The following IL1RAPL1 variants were observed in gnomAD, a reference collection of about 807,000 sequenced individuals.
The protein encoded by IL1RAPL1 is interleukin-1 receptor accessory protein-like 1.
In IL1RAPL1, 3 loss-of-function variants were observed where a neutral mutation model predicts 48.4. The observed-to-expected ratio is 0.06, with a 90% CI of 0.03 to 0.16. The LOEUF (loss-of-function observed/expected upper bound fraction) is 0.16. Among genes scored for constraint, IL1RAPL1 ranks in the 10% least tolerant of loss-of-function variants. The pLI, the probability that IL1RAPL1 is intolerant of heterozygous loss-of-function variation, is 1.00. For missense variants in IL1RAPL1, 349 were observed against 530.6 expected, an observed-to-expected ratio of 0.66 and a Z score of 3.36; for synonymous variants, 185 against 187.7, an observed-to-expected ratio of 0.99 and a Z score of 0.12.
At chrX:28,851,587 C>T (rs1463630777) in intron 2 of IL1RAPL1, among the ~76,000 whole-genome samples, 1 of 111,647 alleles carries the variant, frequency 9.0e-6, no homozygotes, top group Admixed American at 9.6e-5. Context: ...TGGAGAATCT[C>T]TGAGCATGAA....
chrX:28,772,759 AT>A (rs1936323261), intron 1 of IL1RAPL1, among the ~76,000 whole-genome samples: 2 of 111,928 alleles, frequency 1.8e-5, no homozygotes, highest in Non-Finnish European at 3.8e-5. Flanking sequence ...GTTAGACAAA[AT>A]ATGATTCTGG....
chrX:29,034,653 G>A (rs895977867), intron 2 of IL1RAPL1, among the ~76,000 whole-genome samples: 6 of 111,202 alleles, frequency 5.4e-5, no homozygotes, highest in African/African-American at 2.0e-4. Flanking sequence ...TACAAAATAA[G>A]TTAGGAATTC....
chrX:29,629,594 T>A (rs1352375764), intron 5 of IL1RAPL1, among the ~76,000 whole-genome samples: 1 of 111,955 alleles, frequency 8.9e-6, no homozygotes, highest in African/African-American at 3.2e-5. Context: ...ACACAAGCAT[T>A]ATCTCAGTTT....
intron 6 of IL1RAPL1, among the ~76,000 whole-genome samples, chrX:29,705,432 C>T (rs1229269716): frequency 8.9e-6 from 1 of 111,905 alleles, no homozygotes; most frequent in Non-Finnish European, 1.9e-5. Context: ...CCAGGCTGGC[C>T]TTAAACTCCT....
intron 6 of IL1RAPL1, among the ~76,000 whole-genome samples, chrX:29,849,822 C>T (rs954081329): frequency 1.8e-5 from 2 of 111,449 alleles, no homozygotes; most frequent in African/African-American, 3.3e-5. Flanking sequence ...TCTTGCAAAC[C>T]GTGAAAAGGA....
At chrX:29,777,208 C>T (rs1167983442) in intron 6 of IL1RAPL1, among the ~76,000 whole-genome samples, 1 of 112,097 alleles carries the variant, frequency 8.9e-6, no homozygotes, top group Non-Finnish European at 1.9e-5. Context: ...AATGAGAATC[C>T]TTTTGGACTT....
intron 2 of IL1RAPL1, among the ~76,000 whole-genome samples, chrX:28,875,910 G>C (rs1411676124): frequency 9.0e-6 from 1 of 111,323 alleles, no homozygotes; most frequent in Non-Finnish European, 1.9e-5. Flanking sequence ...AGGAGGTTTA[G>C]GGTGAGACCC....
intron 2 of IL1RAPL1, among the ~76,000 whole-genome samples, chrX:29,252,271 T>A (rs868645641): frequency 1.6e-4 from 9 of 55,254 alleles, no homozygotes; most frequent in Non-Finnish European, 1.1e-4. Context: ...ACAATAATAG[T>A]AAAAGAAAAA....
chrX:29,884,338 C>G (rs750399106), intron 6 of IL1RAPL1, among the ~76,000 whole-genome samples: 10 of 111,045 alleles, frequency 9.0e-5, no homozygotes, highest in South Asian at 3.9e-4. Flanking sequence ...ATGTGCCATC[C>G]TCATCTTACT....
chrX:29,218,100 A>T (rs1930910781), intron 2 of IL1RAPL1, among the ~76,000 whole-genome samples: 1 of 111,719 alleles, frequency 9.0e-6, no homozygotes, highest in African/African-American at 3.2e-5. Flanking sequence ...TACCAATAAA[A>T]TGCCATGACA....
In IL1RAPL1 at chrX:29,422,408, G is replaced by A. The variant is rs146518995; in HGVS notation, c.703+23100G>A. ...GTTAAAGTGCCATATTTGGGGTATCGGTTTTTGAACCCCATCATAGGCTAC... is the reference window on the plus strand; with the variant it reads ...GTTAAAGTGCCATATTTGGGGTATCAGTTTTTGAACCCCATCATAGGCTAC... On this transcript the variant is annotated intron_variant, in intron 5 of 10. Coordinates refer to ENST00000378993, the MANE Select transcript of IL1RAPL1 (RefSeq NM_014271.4). 2.5e-4 allele frequency among the ~76,000 whole-genome samples: 28 copies of A among 111,114 alleles called. No individual in the cohort carries two copies. The East Asian group carries it at 7.1e-3, about 28-fold the overall frequency.
intron 2 of IL1RAPL1, among the ~76,000 whole-genome samples, chrX:29,027,365 C>G (rs1926509324): frequency 8.9e-6 from 1 of 111,972 alleles, no homozygotes; most frequent in Admixed American, 9.5e-5. Flanking sequence ...CTTTTCTTGG[C>G]TTGATAGCTC....
chrX:29,464,849 T>C (rs1934844183), intron 5 of IL1RAPL1, among the ~76,000 whole-genome samples: 1 of 111,762 alleles, frequency 8.9e-6, no homozygotes, highest in Non-Finnish European at 1.9e-5. Context: ...AAGTACCTAA[T>C]GTTCTCACTT....
intron 2 of IL1RAPL1, among the ~76,000 whole-genome samples, chrX:28,875,624 T>TG (rs150229848): frequency 9.0e-6 from 1 of 111,349 alleles, no homozygotes; most frequent in Non-Finnish European, 1.9e-5. Context: ...CTTTGGATTA[T>TG]GGGGGTGGAT....
At chrX:28,766,136 C>G (rs1374908613) in intron 1 of IL1RAPL1, among the ~76,000 whole-genome samples, 1 of 111,213 alleles carries the variant, frequency 9.0e-6, no homozygotes, top group Non-Finnish European at 1.9e-5. Flanking sequence ...TGAATTCTAC[C>G]TTTTTCATAG....
At chrX:29,761,503 CT>C (rs1254015051) in intron 6 of IL1RAPL1, among the ~76,000 whole-genome samples, 3 of 111,382 alleles carry the variant, frequency 2.7e-5, no homozygotes, top group Non-Finnish European at 3.8e-5. Flanking sequence ...TTTATTGAAT[CT>C]AAAAAAAAGT....
In IL1RAPL1 at chrX:28,762,823, C is replaced by CACACACACAG. The variant is rs1268556014; in HGVS notation, c.-24-26496_-24-26495insCACACACAGA. Among the ~76,000 whole-genome samples, 252 of 36,707 alleles carry CACACACACAG rather than the reference C, an allele frequency of 6.9e-3. 1 individual carries two copies. The highest frequency in any genetic ancestry group is 0.017 in the African/African-American group (218 of 13,161). 31.9% of individuals were successfully genotyped at this position (36,707 alleles called of 115,157 possible). On this transcript the variant is annotated intron_variant, in intron 1 of 10. Coordinates refer to ENST00000378993, the MANE Select transcript of IL1RAPL1 (RefSeq NM_014271.4). ...ACACACACACACACACACACACACA[C>CACACACACAG]AGAGAGAGAGAGAGAGAGAGAGAGA...
intron 2 of IL1RAPL1, among the ~76,000 whole-genome samples, chrX:28,906,339 A>G (rs754451893): frequency 4.5e-5 from 5 of 112,264 alleles, no homozygotes; most frequent in Non-Finnish European, 9.4e-5. Flanking sequence ...TGTAATAGGA[A>G]TTTCAGGATG....
At chrX:29,797,362 G>A (rs1050321161) in intron 6 of IL1RAPL1, among the ~76,000 whole-genome samples, 1 of 111,843 alleles carries the variant, frequency 8.9e-6, no homozygotes, top group Non-Finnish European at 1.9e-5. Flanking sequence ...TGCTGACTTG[G>A]CAGAACTGTT....
Sources: allele counts gnomAD v4.1 joint callset (sites outside exome capture counted in the v4.1 genomes callset), GRCh38; gene constraint gnomAD v4.1.1; transcripts MANE v1.5; gene names NCBI Gene and HGNC (gene_info 2026-07-23, HGNC 2026-07-21).